FREM1: variants seen among roughly 807,000 people sequenced by gnomAD.
FREM1 encodes FRAS1 related extracellular matrix 1, also known as FRAS1-related extracellular matrix protein 1.
A neutral mutation model predicts 210.1 loss-of-function variants in FREM1; 220 were observed. The observed-to-expected ratio is 1.05, with a 90% CI of 0.94 to 1.17. The LOEUF (loss-of-function observed/expected upper bound fraction) is 1.17, where lower values mean the gene tolerates loss of function less well. Among genes scored for constraint, FREM1 ranks in the 50% most tolerant of loss-of-function variants. The pLI is 0.00. For missense variants in FREM1, 3,454 were observed against 2,675.5 expected (o/e 1.29, Z -6.42); for synonymous variants, 1,189 against 980.2 (o/e 1.21, Z -3.98).
intron 25 of FREM1, among the ~76,000 whole-genome samples, chr9:14,773,784 G>C (rs1319327174): frequency 6.6e-6 from 1 of 151,992 alleles, no homozygotes. Flanking sequence ...TTCAAGTTCT[G>C]GTACTTTCCC....
rs564740117 is a variant in FREM1 at position 14,884,967 on chromosome 9, C to G, written c.-267-15723G>C. The stretch of plus-strand genomic sequence containing the variant: ...TGAGACGGAGTCTCGCTCTGTCGCC[C>G]AGGCTGGAGTGCAGTGGTGCGATCT... On this transcript the variant is annotated intron_variant, in intron 1 of 36. Coordinates refer to ENST00000380880, the MANE Select transcript of FREM1 (RefSeq NM_001379081.2). 5.0e-4 allele frequency among the ~76,000 whole-genome samples: 67 copies of G among 134,342 alleles called. 2 individuals are homozygous for G. The highest frequency in any genetic ancestry group is 2.1e-3 in the African/African-American group (67 of 32,316). The allele number at this position is 134,342 out of a possible 152,430, so 88.1% of individuals were successfully genotyped here. A position where few individuals can be genotyped will look rare whatever the true frequency, so the allele number is the denominator to read the frequency against.
At chr9:14,747,201 G>A in intron 33 of FREM1, 63 bp downstream of exon 33, 3 of 1,579,180 alleles carry the variant, frequency 1.9e-6, no homozygotes, top group South Asian at 2.3e-5. Flanking sequence ...TGAATTAAGT[G>A]TGTTTCTGGC....
chr9:14,815,535 C>A (rs556366381), intron 15 of FREM1, among the ~76,000 whole-genome samples: 12 of 152,298 alleles, frequency 7.9e-5, no homozygotes, highest in African/African-American at 2.9e-4. Flanking sequence ...TTTCTTCAGA[C>A]CTTCTTTTGT....
intron 1 of FREM1, among the ~76,000 whole-genome samples, chr9:14,905,602 G>C (rs1366304225): frequency 6.6e-6 from 1 of 152,208 alleles, no homozygotes; most frequent in Non-Finnish European, 1.5e-5. Context: ...TAAGAATCAA[G>C]TGAGGGTCGG....
chr9:14,838,586 G>A (rs920349807), intron 10 of FREM1, among the ~76,000 whole-genome samples: 6 of 151,844 alleles, frequency 4.0e-5, no homozygotes, highest in African/African-American at 9.7e-5. Flanking sequence ...ACTTATTACC[G>A]CCCCATCTCA....
chr9:14,777,003 G>T (rs1313628708), intron 24 of FREM1, among the ~76,000 whole-genome samples: 1 of 152,212 alleles, frequency 6.6e-6, no homozygotes, highest in Non-Finnish European at 1.5e-5. Context: ...ATAAGGGCAG[G>T]TAGGAGATGA....
intron 25 of FREM1, among the ~76,000 whole-genome samples, chr9:14,772,330 G>A (rs948939724): frequency 2.6e-5 from 4 of 151,966 alleles, no homozygotes; most frequent in Admixed American, 2.6e-4. Flanking sequence ...AAACCATCTC[G>A]ACCTGAGACT....
chr9:14,883,049 G>C (rs1835100908), intron 1 of FREM1, among the ~76,000 whole-genome samples: 1 of 151,128 alleles, frequency 6.6e-6, no homozygotes, highest in Non-Finnish European at 1.5e-5. Context: ...ATATCAAAGA[G>C]ACAAGAAAGT....
At chr9:14,773,371 C>T (rs1309244843) in intron 25 of FREM1, among the ~76,000 whole-genome samples, 7 of 152,128 alleles carry the variant, frequency 4.6e-5, no homozygotes, top group Non-Finnish European at 7.3e-5. Context: ...ATAGTTTACC[C>T]ATAGTTGGGA....
chr9:14,883,842 C>A (rs774086492), intron 1 of FREM1, among the ~76,000 whole-genome samples: 1 of 152,198 alleles, frequency 6.6e-6, no homozygotes, highest in Non-Finnish European at 1.5e-5. Flanking sequence ...CTAGTATGGG[C>A]ACCCTCAGGG....
intron 4 of FREM1, among the ~76,000 whole-genome samples, chr9:14,858,070 T>C (rs2131536712): frequency 6.6e-6 from 1 of 152,324 alleles, no homozygotes; most frequent in East Asian, 1.9e-4. Context: ...TTCCACAGTC[T>C]AGCTCCAGTC....
chr9:14,847,017 A>G (rs1826761340), intron 7 of FREM1, among the ~76,000 whole-genome samples: 1 of 152,176 alleles, frequency 6.6e-6, no homozygotes, highest in Admixed American at 6.5e-5. Flanking sequence ...GGACCCAGGA[A>G]GTGTGTGCAA....
chr9:14,856,191 T>C (rs990246518), intron 5 of FREM1, among the ~76,000 whole-genome samples: 1 of 152,256 alleles, frequency 6.6e-6, no homozygotes, highest in Admixed American at 6.5e-5. Flanking sequence ...CTCTAAGAAA[T>C]AGGTACTATA....
intron 1 of FREM1, among the ~76,000 whole-genome samples, chr9:14,885,547 T>C (rs1835658986): frequency 6.6e-6 from 1 of 152,076 alleles, no homozygotes; most frequent in African/African-American, 2.4e-5. Context: ...GCCTCCCAGG[T>C]ACCTGGGACT....
rs771992074 is a variant in FREM1 at position 14,813,058 on chromosome 9, G to T, written c.2647C>A (p.Pro883Thr). 9 of 1,604,864 alleles carry T rather than the reference G, an allele frequency of 5.6e-6. No homozygotes were observed. Among genetic ancestry groups the T allele is most frequent in the Non-Finnish European group, 6.8e-6 (8 of 1,173,822 alleles). ...AEFVLHVEVFPVNDEPPVLKA... is the reference protein window; with the variant it reads ...AEFVLHVEVFTVNDEPPVLKA... ...AAGACTGGTGGCTCATCGTTGACAG[G>T]GAATACCTAGGCAATGGAAAAAATG... is the stretch of plus-strand genomic sequence containing the variant. The change falls in exon 16 of 37, where the codon CCT (proline) becomes ACT (threonine). Residue 883 changes from proline to threonine, a missense_variant. Pro to Thr is a conservative substitution (Grantham distance 38). Coordinates refer to ENST00000380880, the MANE Select transcript of FREM1 (RefSeq NM_001379081.2).
rs577700636 is a variant in FREM1 at position 14,908,983 on chromosome 9, C to T, written c.-268+931G>A. Among the ~76,000 whole-genome samples the T allele has an allele frequency of 3.7e-3, 558 of 152,230 alleles. 4 individuals carry two copies. The highest frequency in any genetic ancestry group is 0.013 in the African/African-American group (529 of 41,528). On this transcript the variant is annotated intron_variant, in intron 1 of 36. Coordinates refer to ENST00000380880, the MANE Select transcript of FREM1 (RefSeq NM_001379081.2). ...GGGGGCTGAGGCACAGCTCTTCAAG[C>T]TTTACCTAGAGTCAGGAACAGCGGG...
At chr9:14,900,394 T>TA (rs1225819215) in intron 1 of FREM1, among the ~76,000 whole-genome samples, 1 of 152,172 alleles carries the variant, frequency 6.6e-6, no homozygotes, top group African/African-American at 2.4e-5. Flanking sequence ...TGACAAGAGG[T>TA]AAAAGGAGCT....
At chr9:14,746,008 A>T (rs576454160) in intron 35 of FREM1, among the ~76,000 whole-genome samples, 1 of 97,518 alleles carries the variant, frequency 1.0e-5, no homozygotes, top group African/African-American at 3.9e-5. Context: ...TGACTCAGAA[A>T]ATCTTCTGAT....
At chr9:14,868,628 CTCG>C (rs1292028609) in intron 2 of FREM1, 113 bp downstream of exon 2, 4 of 689,602 alleles carry the variant, frequency 5.8e-6, no homozygotes, top group Non-Finnish European at 1.0e-5. Context: ...TCTTCTAATA[CTCG>C]TCTTTGATGG....
Sources: allele counts gnomAD v4.1 joint callset (sites outside exome capture counted in the v4.1 genomes callset), GRCh38; gene constraint gnomAD v4.1.1; transcripts MANE v1.5; gene names NCBI Gene and HGNC (gene_info 2026-07-23, HGNC 2026-07-21).